Variants in CNTNAP2 observed in about 807,000 individuals in gnomAD.
CNTNAP2 encodes contactin-associated protein-like 2.
In CNTNAP2, 98 loss-of-function variants were observed where a neutral mutation model predicts 155.2. The ratio of observed to expected loss-of-function variants is 0.63; its 90% CI spans 0.54 to 0.75. The LOEUF is 0.75. Ranked by LOEUF, CNTNAP2 falls within the 30% of genes least tolerant of loss-of-function variation. The pLI is 0.00. For missense variants in CNTNAP2, 1,727 were observed against 1,688.1 expected (o/e 1.02, Z -0.40); for synonymous variants, 651 against 631.2 (o/e 1.03, Z -0.47).
intron 21 of CNTNAP2, among the ~76,000 whole-genome samples, chr7:148,268,656 A>C (rs1285507607): frequency 0.074 from 23 of 310 alleles, no homozygotes; most frequent in Non-Finnish European, 0.33. Flanking sequence ...CTCTGTCTTA[A>C]TAATAATAAT....
rs1307353251 is a variant in CNTNAP2, at chr7:146,246,662, A to G, written c.97+129689A>G. ...GCATCAGTCTTCAGCCGCTAAGCCA[A>G]GAAGATCTGGGAAGGAGTCAGAGAG... On this transcript the variant is annotated intron_variant, in intron 1 of 23. Transcript: ENST00000361727. Among the ~76,000 whole-genome samples the G allele has an allele frequency of 2.0e-5, 3 of 150,856 alleles. No individual in the cohort carries two copies. The East Asian group carries it at 5.8e-4, about 29-fold the overall frequency.
intron 3 of CNTNAP2, among the ~76,000 whole-genome samples, chr7:146,995,214 A>G (rs958317975): frequency 6.6e-6 from 1 of 152,062 alleles, no homozygotes; most frequent in Non-Finnish European, 1.5e-5. Context: ...TATATATACT[A>G]TGTTTTAAAA....
chr7:146,584,011 A>G (rs1798650609), intron 1 of CNTNAP2, among the ~76,000 whole-genome samples: 1 of 152,156 alleles, frequency 6.6e-6, no homozygotes, highest in Non-Finnish European at 1.5e-5. Context: ...TAGATTATAA[A>G]TCTAGATTTA....
intron 1 of CNTNAP2, among the ~76,000 whole-genome samples, chr7:146,551,996 A>G (rs1416469872): frequency 6.6e-6 from 1 of 152,122 alleles, no homozygotes; most frequent in East Asian, 1.9e-4. Flanking sequence ...AATGAAAAAA[A>G]TATATTTATA....
intron 2 of CNTNAP2, among the ~76,000 whole-genome samples, chr7:146,826,539 C>T (rs1304655330): frequency 1.3e-5 from 2 of 152,056 alleles, no homozygotes; most frequent in African/African-American, 4.8e-5. Context: ...AATACCCTGT[C>T]CACTCACTCT....
intron 18 of CNTNAP2, among the ~76,000 whole-genome samples, chr7:148,199,333 A>G (rs2116728951): frequency 6.6e-6 from 1 of 152,360 alleles, no homozygotes; most frequent in Admixed American, 6.5e-5. Context: ...TGTAGAAGGC[A>G]CATTTCAAGC....
At chr7:147,752,243 A>G (rs889241447) in intron 13 of CNTNAP2, among the ~76,000 whole-genome samples, 3 of 152,202 alleles carry the variant, frequency 2.0e-5, no homozygotes, top group East Asian at 1.9e-4. Context: ...TTCAGAATGT[A>G]TAGTAATTTG....
At chr7:147,722,818 T>C (rs1796585067) in intron 13 of CNTNAP2, among the ~76,000 whole-genome samples, 1 of 152,058 alleles carries the variant, frequency 6.6e-6, no homozygotes. Context: ...TCATTTCATC[T>C]CTCTGGGTAT....
At chr7:148,110,562 C>G (rs757352617) in intron 15 of CNTNAP2, among the ~76,000 whole-genome samples, 4 of 152,164 alleles carry the variant, frequency 2.6e-5, no homozygotes, top group Non-Finnish European at 5.9e-5. Context: ...AGAACTTCAG[C>G]ACATCACAAG....
intron 10 of CNTNAP2, among the ~76,000 whole-genome samples, chr7:147,403,851 AGTGATGGTTT>A (rs1474320221): frequency 7.2e-5 from 11 of 152,172 alleles, no homozygotes; most frequent in African/African-American, 2.6e-4. Flanking sequence ...GTGTTTCTTT[AGTGATGGTTT>A]TTATGACAGA....
intron 8 of CNTNAP2, among the ~76,000 whole-genome samples, chr7:147,172,497 T>C (rs1802249789): frequency 6.6e-6 from 1 of 152,190 alleles, no homozygotes; most frequent in African/African-American, 2.4e-5. Context: ...TCACTTACCT[T>C]TTAATTTTGA....
chr7:146,730,438 C>T (rs1801505774), intron 1 of CNTNAP2, among the ~76,000 whole-genome samples: 1 of 152,068 alleles, frequency 6.6e-6, no homozygotes, highest in Non-Finnish European at 1.5e-5. Flanking sequence ...TAAATGTCCA[C>T]AATATAATTG....
chr7:146,491,215 C>A (rs2129131182), intron 1 of CNTNAP2, among the ~76,000 whole-genome samples: 1 of 152,194 alleles, frequency 6.6e-6, no homozygotes, highest in Middle Eastern at 3.4e-3. Flanking sequence ...ACTTCAGTGG[C>A]ATTCAGAGCA....
chr7:146,304,423 A>G (rs1800670586), intron 1 of CNTNAP2, among the ~76,000 whole-genome samples: 1 of 151,770 alleles, frequency 6.6e-6, no homozygotes, highest in South Asian at 2.1e-4. Context: ...GTTCCTTTCC[A>G]TGTTTAGTGC....
At chr7:147,969,117 T>C (rs913706483) in intron 14 of CNTNAP2, among the ~76,000 whole-genome samples, 1 of 152,232 alleles carries the variant, frequency 6.6e-6, no homozygotes, top group Admixed American at 6.5e-5. Flanking sequence ...TGGTATGATC[T>C]CAGCTCACTG....
intron 1 of CNTNAP2, among the ~76,000 whole-genome samples, chr7:146,685,502 CA>C (rs1178688123): frequency 2.0e-5 from 3 of 151,890 alleles, no homozygotes; most frequent in Non-Finnish European, 2.9e-5. Flanking sequence ...GTGGGAGAAC[CA>C]AAAAAATACA....
chr7:146,238,941 AC>A (rs1240065021), intron 1 of CNTNAP2, among the ~76,000 whole-genome samples: 2 of 152,142 alleles, frequency 1.3e-5, no homozygotes, highest in East Asian at 3.9e-4. Context: ...TGATTCAATT[AC>A]CTCCACCTGG....
intron 1 of CNTNAP2, among the ~76,000 whole-genome samples, chr7:146,372,204 C>T (rs1286920398): frequency 1.3e-5 from 2 of 152,094 alleles, no homozygotes; most frequent in Admixed American, 6.5e-5. Flanking sequence ...TTACCCTGGC[C>T]ATATCTTTAT....
At chr7:148,228,985 C>T (rs374901943) in intron 19 of CNTNAP2, among the ~76,000 whole-genome samples, 1 of 152,072 alleles carries the variant, frequency 6.6e-6, no homozygotes, top group Non-Finnish European at 1.5e-5. Context: ...CAGATGTCTC[C>T]TCCCTGCAGT....
Sources: allele counts gnomAD v4.1 joint callset (sites outside exome capture counted in the v4.1 genomes callset), GRCh38; gene constraint gnomAD v4.1.1; transcripts MANE v1.5; gene names NCBI Gene and HGNC (gene_info 2026-07-23, HGNC 2026-07-21).